The following ZBED6 variants were observed in gnomAD, a reference collection of about 807,000 sequenced individuals.
The protein encoded by ZBED6 is zinc finger BED-type containing 6, also known as zinc finger BED domain-containing protein 6.
Under a neutral mutation model 58.4 loss-of-function variants are expected in ZBED6, and 40 were observed. The ratio of observed to expected loss-of-function variants is 0.68; its 90% CI spans 0.53 to 0.89. The LOEUF is 0.89. Ranked by LOEUF, ZBED6 falls within the 40% of genes least tolerant of loss-of-function variation. The pLI is 0.00. For missense variants in ZBED6, 1,057 were observed against 1,003.9 expected (o/e 1.05, Z -0.71); for synonymous variants, 439 against 350.6 (o/e 1.25, Z -2.82).
chr1:203,818,832 G>A, intron 3 of ZBED6, 143 bp downstream of exon 3: 3 of 1,291,592 alleles, frequency 2.3e-6, no homozygotes, highest in Non-Finnish European at 3.1e-6. Flanking sequence ...CACTTTGGGA[G>A]GCTGAGGCGG....
At chr1:203,813,589 A>G (rs1374955574) in intron 1 of ZBED6, among the ~76,000 whole-genome samples, 2 of 152,150 alleles carry the variant, frequency 1.3e-5, no homozygotes, top group East Asian at 1.9e-4. Flanking sequence ...ATTAGTTCCT[A>G]GGACTTCCAT....
intron 13 of ZBED6, among the ~76,000 whole-genome samples, chr1:203,848,672 G>A (rs55819718): frequency 1.3e-5 from 2 of 152,274 alleles, no homozygotes; most frequent in East Asian, 3.9e-4. Flanking sequence ...CGGATCACGA[G>A]GTCAGGAGAT....
chr1:203,805,192 T>C (rs868370401), intron 1 of ZBED6, among the ~76,000 whole-genome samples: 1 of 150,030 alleles, frequency 6.7e-6, no homozygotes, highest in South Asian at 2.1e-4. Context: ...GCCCAGGCTG[T>C]GGGGTGATCT....
chr1:203,809,172 GTTTTTTTTTT>G (rs33926996), intron 1 of ZBED6, among the ~76,000 whole-genome samples: 5 of 83,248 alleles, frequency 6.0e-5, no homozygotes, highest in African/African-American at 2.0e-4. Context: ...TCTTCTCACT[GTTTTTTTTTT>G]TTTTTTTTTT....
intron 3 of ZBED6, among the ~76,000 whole-genome samples, chr1:203,825,256 A>G (rs1245525965): frequency 2.0e-5 from 3 of 152,086 alleles, no homozygotes; most frequent in Non-Finnish European, 1.5e-5. Context: ...ACCCAACTCT[A>G]TTTCCCTTAG....
At chr1:203,812,578 A>ATTTTTTTTTTTTTTTTTTTTTTTT in intron 1 of ZBED6, among the ~76,000 whole-genome samples, 1 of 109,318 alleles carries the variant, frequency 9.1e-6, no homozygotes, top group Non-Finnish European at 1.8e-5. Context: ...GCCATTCTAA[A>ATTTTTTTTTTTTTTTTTTTTTTTT]TTTTTTTTTT....
intron 9 of ZBED6, among the ~76,000 whole-genome samples, chr1:203,835,264 C>T (rs1334797483): frequency 1.3e-5 from 2 of 152,182 alleles, no homozygotes; most frequent in African/African-American, 4.8e-5. Flanking sequence ...AAATTCTCAT[C>T]GAATCCTTGG....
At chr1:203,827,592 G>C (rs1376653268) in intron 3 of ZBED6, among the ~76,000 whole-genome samples, 2 of 151,800 alleles carry the variant, frequency 1.3e-5, no homozygotes, top group Non-Finnish European at 2.9e-5. Flanking sequence ...TGAGGCAGGA[G>C]AATGGCGTGA....
At chr1:203,826,792 C>T (rs1572150420) in intron 3 of ZBED6, among the ~76,000 whole-genome samples, 1 of 152,174 alleles carries the variant, frequency 6.6e-6, no homozygotes, top group South Asian at 2.1e-4. Context: ...TTTGGGAGTA[C>T]TTCTCATATC....
chr1:203,797,933 C>T (rs1669174782), exon 1 of ZBED6: 14 of 1,535,846 alleles, frequency 9.1e-6, no homozygotes, highest in Non-Finnish European at 1.2e-5. Flanking sequence ...TTGTGTGGCA[C>T]TTCTTTCATG....
Position 203,840,246 on chromosome 1 carries a change from AT to A in ZBED6, c.*3673-57del, listed in dbSNP as rs1211724242. 430 of 1,548,562 alleles carry A rather than the reference AT, an allele frequency of 2.8e-4. 2 individuals carry two copies. The highest frequency in any genetic ancestry group is 9.1e-4 in the South Asian group (81 of 89,232). Reference sequence around the variant, plus strand: ...ATGCCACCATGCCCAGCAAACCTGTATTTAAGCTGTAAAAAGTTTCTGTTCA... The same window carrying A: ...ATGCCACCATGCCCAGCAAACCTGTATTAAGCTGTAAAAAGTTTCTGTTCA... On this transcript the variant is annotated intron_variant, in intron 10 of 16. Transcript: ENST00000550078.
intron 3 of ZBED6, among the ~76,000 whole-genome samples, chr1:203,822,177 C>T (rs1679003369): frequency 6.6e-6 from 1 of 152,138 alleles, no homozygotes. Flanking sequence ...TAACTCTTCT[C>T]CAGAAGTGAG....
At chr1:203,844,660 C>A (rs1198680597) in intron 11 of ZBED6, among the ~76,000 whole-genome samples, 1 of 152,084 alleles carries the variant, frequency 6.6e-6, no homozygotes, top group African/African-American at 2.4e-5. Flanking sequence ...TCTCTCCTGA[C>A]TGGGAGACTC....
chr1:203,847,085 GCTCT>G, intron 11 of ZBED6, 95 bp from the exon 12 acceptor site: 1 of 1,260,940 alleles, frequency 7.9e-7, no homozygotes, highest in Non-Finnish European at 1.1e-6. Flanking sequence ...TTAAATGATA[GCTCT>G]CTGTTGGACT....
intron 3 of ZBED6, among the ~76,000 whole-genome samples, chr1:203,824,630 C>A (rs1314532349): frequency 1.3e-5 from 2 of 148,530 alleles, no homozygotes; most frequent in Non-Finnish European, 3.0e-5. Flanking sequence ...GCTCTGCCTC[C>A]TTCTGATACT....
intron 11 of ZBED6, among the ~76,000 whole-genome samples, chr1:203,841,343 G>A (rs1424733689): frequency 6.6e-6 from 1 of 152,034 alleles, no homozygotes; most frequent in East Asian, 1.9e-4. Flanking sequence ...TGAGATTAGG[G>A]AGTGGTGATG....
At chr1:203,802,045 A>C (rs1670680577) in exon 1 of ZBED6, 1 of 152,592 alleles carries the variant, frequency 6.6e-6, no homozygotes, top group South Asian at 2.1e-4. Context: ...ATAAGAAATA[A>C]ATTTTCCCTT....
At chr1:203,843,308 G>A (rs1028412321) in intron 11 of ZBED6, among the ~76,000 whole-genome samples, 4 of 152,012 alleles carry the variant, frequency 2.6e-5, no homozygotes, top group African/African-American at 9.7e-5. Context: ...TGAATCTAAA[G>A]ATTTGTCTTT....
exon 1 of ZBED6, chr1:203,796,838 C>T (rs1447744304): frequency 6.0e-6 from 1 of 166,204 alleles, no homozygotes; most frequent in East Asian, 1.6e-4. Flanking sequence ...TTTCTCAAAG[C>T]ATTTTTTTCC....
Sources: allele counts gnomAD v4.1 joint callset (sites outside exome capture counted in the v4.1 genomes callset), GRCh38; gene constraint gnomAD v4.1.1; transcripts MANE v1.5; gene names NCBI Gene and HGNC (gene_info 2026-07-23, HGNC 2026-07-21).